Variants in DIAPH2 observed in about 807,000 individuals in gnomAD.
DIAPH2 encodes diaphanous related formin 2.
Under a neutral mutation model 92.7 loss-of-function variants are expected in DIAPH2, and 35 were observed. That is an observed-to-expected ratio of 0.38 (90% CI 0.29 to 0.50). DIAPH2 has a LOEUF of 0.50. DIAPH2 is among the 20% of genes least tolerant of loss of function. The pLI, the probability that DIAPH2 is intolerant of heterozygous loss-of-function variation, is 0.94. For synonymous variants in DIAPH2, 301 were observed against 280.4 expected, an observed-to-expected ratio of 1.07 and a Z score of -0.73; for missense variants, 701 against 819.5, an observed-to-expected ratio of 0.86 and a Z score of 1.77.
intron 17 of DIAPH2, among the ~76,000 whole-genome samples, chrX:97,068,622 G>A (rs1233400293): frequency 2.7e-5 from 3 of 111,100 alleles, no homozygotes; most frequent in African/African-American, 9.8e-5. Context: ...TGCCATTCTT[G>A]CACTCATTTT....
In DIAPH2 at chrX:96,882,672, C is replaced by T. The variant is rs960757457; in HGVS notation, c.587+954C>T. Among the ~76,000 whole-genome samples, 5 of 109,964 alleles carry T rather than the reference C, an allele frequency of 4.5e-5. No homozygotes were observed. In the East Asian group the frequency reaches 1.4e-3, roughly 32 times the overall value. On this transcript the variant is annotated intron_variant, in intron 5 of 26. Transcript: ENST00000324765. ...AATTTCAATAAAATATCAAAACATTCTTGGCCGGGCGTGGGGGCTCACACC... is the reference window on the plus strand; with the variant it reads ...AATTTCAATAAAATATCAAAACATTTTTGGCCGGGCGTGGGGGCTCACACC...
At chrX:97,268,856 C>CTTTTTT (rs747116851) in intron 23 of DIAPH2, among the ~76,000 whole-genome samples, 4 of 86,939 alleles carry the variant, frequency 4.6e-5, no homozygotes, top group Non-Finnish European at 4.5e-5. Flanking sequence ...TCTTTTCTTT[C>CTTTTTT]TTTTTTTTTT....
intron 4 of DIAPH2, among the ~76,000 whole-genome samples, chrX:96,812,030 G>A (rs7053697): frequency 1.1e-3 from 123 of 111,416 alleles, no homozygotes; most frequent in African/African-American, 3.5e-3. Flanking sequence ...TGATGCTGGC[G>A]TCATAAAATG....
intron 23 of DIAPH2, among the ~76,000 whole-genome samples, chrX:97,255,403 TG>T (rs2068228786): frequency 8.9e-6 from 1 of 111,917 alleles, no homozygotes; most frequent in Non-Finnish European, 1.9e-5. Context: ...TTTAATACTT[TG>T]ATTATTGTAC....
At chrX:97,344,931 A>G (rs1281245251) in intron 23 of DIAPH2, among the ~76,000 whole-genome samples, 2 of 112,400 alleles carry the variant, frequency 1.8e-5, no homozygotes, top group Non-Finnish European at 3.7e-5. Flanking sequence ...ATAGATTACA[A>G]GTAAGTGACC....
chrX:97,074,247 A>T (rs1300828781), intron 18 of DIAPH2, among the ~76,000 whole-genome samples: 1 of 111,038 alleles, frequency 9.0e-6, no homozygotes, highest in Non-Finnish European at 1.9e-5. Flanking sequence ...CCTCTACTAA[A>T]AATACAAAAT....
chrX:97,059,548 A>G (rs1234728425), intron 17 of DIAPH2, among the ~76,000 whole-genome samples: 2 of 112,054 alleles, frequency 1.8e-5, no homozygotes, highest in East Asian at 5.6e-4. Flanking sequence ...AACTTTACTA[A>G]TAGTCTACTA....
intron 4 of DIAPH2, among the ~76,000 whole-genome samples, chrX:96,838,952 T>A (rs932623571): frequency 2.7e-5 from 3 of 111,950 alleles, no homozygotes; most frequent in Non-Finnish European, 3.8e-5. Context: ...AAAATTTGGC[T>A]TCTAATGTTT....
At chrX:97,088,353 T>C (rs1236194763) in intron 19 of DIAPH2, among the ~76,000 whole-genome samples, 6 of 112,250 alleles carry the variant, frequency 5.3e-5, no homozygotes, top group South Asian at 7.3e-4. Flanking sequence ...CTTCATCTGC[T>C]CATTTCTACT....
At chrX:96,806,664 AG>A (rs201025521) in intron 4 of DIAPH2, among the ~76,000 whole-genome samples, 3 of 103,062 alleles carry the variant, frequency 2.9e-5, no homozygotes, top group African/African-American at 1.1e-4. Flanking sequence ...AAAAAAAAAA[AG>A]AAACAAAGAA....
chrX:97,135,813 G>A (rs1299059726), intron 21 of DIAPH2, among the ~76,000 whole-genome samples: 1 of 111,648 alleles, frequency 9.0e-6, no homozygotes, highest in Non-Finnish European at 1.9e-5. Context: ...AAGTGCCTGA[G>A]TTATAGGCAC....
At chrX:97,557,363 AC>A (rs1361977335) in intron 26 of DIAPH2, among the ~76,000 whole-genome samples, 1 of 111,342 alleles carries the variant, frequency 9.0e-6, no homozygotes, top group Non-Finnish European at 1.9e-5. Context: ...ACATGGTGAA[AC>A]CCCATCTCTA....
chrX:97,214,038 G>A (rs1056055404), intron 22 of DIAPH2, among the ~76,000 whole-genome samples: 4 of 111,476 alleles, frequency 3.6e-5, no homozygotes, highest in African/African-American at 1.3e-4. Flanking sequence ...GTGTAAGGGC[G>A]GGGAATTGCA....
chrX:96,686,672 A>G (rs1385764819), intron 1 of DIAPH2, among the ~76,000 whole-genome samples: 1 of 111,571 alleles, frequency 9.0e-6, no homozygotes, highest in Non-Finnish European at 1.9e-5. Flanking sequence ...TTGCTCAAAC[A>G]TAACTTTTGA....
chrX:96,880,317 G>T (rs2065204910), intron 4 of DIAPH2, among the ~76,000 whole-genome samples: 2 of 111,258 alleles, frequency 1.8e-5, no homozygotes, highest in Admixed American at 1.9e-4. Flanking sequence ...TATTGCCACA[G>T]CGCTAAGGGA....
intron 4 of DIAPH2, among the ~76,000 whole-genome samples, chrX:96,857,446 A>C (rs982587292): frequency 1.8e-5 from 2 of 112,629 alleles, no homozygotes; most frequent in Admixed American, 9.4e-5. Flanking sequence ...TGAGTGTTTC[A>C]AAATATTATT....
intron 4 of DIAPH2, among the ~76,000 whole-genome samples, chrX:96,809,502 T>TTTTC (rs1025235260): frequency 1.8e-5 from 2 of 108,520 alleles, no homozygotes; most frequent in Non-Finnish European, 3.9e-5. Flanking sequence ...AACTCTTTTT[T>TTTTC]TTTCTTTCTT....
chrX:97,110,961 C>T (rs1318120697), intron 20 of DIAPH2, among the ~76,000 whole-genome samples: 2 of 103,153 alleles, frequency 1.9e-5, no homozygotes, highest in East Asian at 3.0e-4. Flanking sequence ...GTAGCCTGGG[C>T]GACAGAACGA....
At position 97,519,999 on chromosome X, in the gene DIAPH2, C is replaced by T. The variant is rs748193191; in HGVS notation, c.3242-79254C>T. ...GTGCTGGGATTACAGGCGTGAGCCA[C>T]AGCGTCTGGCCCCTTAAACTGTTTT... On this transcript the variant is annotated intron_variant, in intron 26 of 26. Coordinates refer to ENST00000324765, the MANE Select transcript of DIAPH2 (RefSeq NM_006729.5). Among the ~76,000 whole-genome samples the T allele has an allele frequency of 1.2e-4, 13 of 112,062 alleles. No individual in the cohort carries two copies. In the South Asian group the frequency reaches 4.8e-3, roughly 42 times the overall value.
Sources: gnomAD v4.1 joint callset for allele counts (sites outside exome capture counted in the v4.1 genomes callset) on GRCh38, gnomAD v4.1.1 for gene constraint, MANE v1.5 for transcripts, NCBI Gene and HGNC (gene_info 2026-07-23, HGNC 2026-07-21) for gene names.